The following NLGN4X variants were observed in gnomAD, a reference collection of about 807,000 sequenced individuals.
The protein encoded by NLGN4X is neuroligin-4, X-linked.
Under a neutral mutation model 40.3 loss-of-function variants are expected in NLGN4X, and 3 were observed. The ratio of observed to expected loss-of-function variants is 0.07; its 90% CI spans 0.03 to 0.19. NLGN4X has a LOEUF of 0.19. Among genes scored for constraint, NLGN4X ranks in the 10% least tolerant of loss-of-function variants. The probability of loss-of-function intolerance (pLI) is 1.00; values close to 1 mark genes in which losing one functional copy is unlikely to be tolerated. For synonymous variants in NLGN4X, 270 were observed against 306.8 expected, an observed-to-expected ratio of 0.88 and a Z score of 1.25; for missense variants, 382 against 708.3, an observed-to-expected ratio of 0.54 and a Z score of 5.23.
At chrX:5,995,284 A>ACAGGAAC (rs2035790086) in intron 3 of NLGN4X, among the ~76,000 whole-genome samples, 1 of 112,520 alleles carries the variant, frequency 8.9e-6, no homozygotes, top group Admixed American at 9.4e-5. Flanking sequence ...TGCGAAGAGC[A>ACAGGAAC]CAGGAACAGA....
intron 2 of NLGN4X, among the ~76,000 whole-genome samples, chrX:6,108,560 T>C (rs778979871): frequency 5.4e-5 from 6 of 110,779 alleles, no homozygotes; most frequent in South Asian, 3.9e-4. Flanking sequence ...GCATATGTAG[T>C]ACCAGCTACT....
intron 3 of NLGN4X, among the ~76,000 whole-genome samples, chrX:5,989,094 A>T (rs1038458618): frequency 7.0e-4 from 53 of 75,590 alleles, no homozygotes; most frequent in Non-Finnish European, 5.7e-4. Context: ...TAAAAAAAAT[A>T]AAAAAAAAAA....
intron 1 of NLGN4X, among the ~76,000 whole-genome samples, chrX:6,153,443 T>C (rs1395265975): frequency 2.7e-5 from 3 of 112,184 alleles, no homozygotes; most frequent in African/African-American, 6.5e-5. Context: ...ATGTCTGCCA[T>C]ACAGCAATCC....
At chrX:5,928,982 G>C (rs180814120) in intron 3 of NLGN4X, among the ~76,000 whole-genome samples, 1 of 109,799 alleles carries the variant, frequency 9.1e-6, no homozygotes, top group African/African-American at 3.3e-5. Context: ...ACCGTGCCCA[G>C]AGAAAGACTC....
At chrX:5,912,577 G>C (rs950806001) in intron 3 of NLGN4X, among the ~76,000 whole-genome samples, 2 of 110,448 alleles carry the variant, frequency 1.8e-5, no homozygotes, top group African/African-American at 3.3e-5. Context: ...TGTTTTGAGG[G>C]CCAAATCATG....
intron 1 of NLGN4X, among the ~76,000 whole-genome samples, chrX:6,172,947 G>C (rs1291038363): frequency 8.9e-6 from 1 of 112,403 alleles, no homozygotes; most frequent in Non-Finnish European, 1.9e-5. Flanking sequence ...GCTGATGGCT[G>C]TGAGTATGCA....
chrX:5,911,543 G>C (rs1423224647), intron 3 of NLGN4X, among the ~76,000 whole-genome samples: 1 of 112,269 alleles, frequency 8.9e-6, no homozygotes, highest in Non-Finnish European at 1.9e-5. Flanking sequence ...ATGGATCTCT[G>C]AAGTTTAACA....
intron 1 of NLGN4X, among the ~76,000 whole-genome samples, chrX:6,198,898 G>A (rs1371453216): frequency 9.0e-6 from 1 of 111,284 alleles, no homozygotes. Context: ...AAAATACAAA[G>A]GTATTTTTAA....
chrX:5,988,893 C>T (rs1041214273), intron 3 of NLGN4X, among the ~76,000 whole-genome samples: 2 of 110,018 alleles, frequency 1.8e-5, no homozygotes, highest in East Asian at 2.9e-4. Context: ...GGTGAAACTC[C>T]GTCCCTACTA....
At chrX:6,132,076 C>G (rs919312483) in intron 2 of NLGN4X, among the ~76,000 whole-genome samples, 2 of 111,717 alleles carry the variant, frequency 1.8e-5, no homozygotes, top group African/African-American at 6.5e-5. Context: ...GGAAGCAAAC[C>G]TGTCCCCTCC....
intron 2 of NLGN4X, among the ~76,000 whole-genome samples, chrX:6,080,335 T>C (rs1388461490): frequency 9.0e-6 from 1 of 111,616 alleles, no homozygotes; most frequent in African/African-American, 3.3e-5. Context: ...AGTCCTGACA[T>C]TCCGAATCCA....
intron 3 of NLGN4X, among the ~76,000 whole-genome samples, chrX:5,933,952 G>T (rs1057443234): frequency 9.0e-6 from 1 of 111,365 alleles, no homozygotes; most frequent in African/African-American, 3.3e-5. Context: ...GACCTAAAAT[G>T]CTGATATGGA....
chrX:6,065,069 G>A (rs1394761762), intron 2 of NLGN4X, among the ~76,000 whole-genome samples: 2 of 110,562 alleles, frequency 1.8e-5, no homozygotes, highest in Middle Eastern at 4.7e-3. Flanking sequence ...CATTGAGGAC[G>A]CACGGGCCCA....
chrX:6,170,862 T>A (rs1472984186), intron 1 of NLGN4X, among the ~76,000 whole-genome samples: 2 of 112,012 alleles, frequency 1.8e-5, no homozygotes, highest in East Asian at 5.6e-4. Flanking sequence ...CTTGCTCTGT[T>A]GCCCAGGCTG....
chrX:5,900,905 A>T lies in NLGN4X; in HGVS notation c.1601+2172T>A, dbSNP rs1172087234. Among the ~76,000 whole-genome samples the T allele has an allele frequency of 2.7e-5, 3 of 111,226 alleles. No homozygotes were observed. In the South Asian group the frequency reaches 1.2e-3, roughly 43 times the overall value. ...TAGCCATACAGTTTTGGATACTCTG[A>T]TAACAGCAGTCCCAACAAACTAATA... On this transcript the variant is annotated intron_variant, in intron 5 of 5. Transcript: ENST00000381095.
intron 1 of NLGN4X, among the ~76,000 whole-genome samples, chrX:6,171,622 T>C (rs2040608099): frequency 8.9e-6 from 1 of 112,715 alleles, no homozygotes; most frequent in Admixed American, 9.4e-5. Context: ...TGCCTGCCCA[T>C]GGACAGTTTG....
rs2037529384 is a variant in NLGN4X at position 6,052,930 on chromosome X, G to C, written c.473-23498C>G. Among the ~76,000 whole-genome samples, 5 of 112,027 alleles carry C rather than the reference G, an allele frequency of 4.5e-5. No individual in the cohort carries two copies. The South Asian group carries it at 1.9e-3, about 42-fold the overall frequency. The stretch of plus-strand genomic sequence containing the variant: ...CTGGTGTTTTGAAAACGTTTCTCTG[G>C]TGTGAAAAAGAATGTTTCCTCGCTT... On this transcript the variant is annotated intron_variant, in intron 2 of 5. Transcript: ENST00000381095.
intron 3 of NLGN4X, among the ~76,000 whole-genome samples, chrX:6,024,958 T>G (rs1194567717): frequency 8.9e-6 from 1 of 111,809 alleles, no homozygotes; most frequent in Non-Finnish European, 1.9e-5. Flanking sequence ...TACTTTCACT[T>G]TACGGATTTG....
chrX:6,170,841 C>T (rs775116254), intron 1 of NLGN4X, among the ~76,000 whole-genome samples: 2 of 111,245 alleles, frequency 1.8e-5, no homozygotes, highest in South Asian at 3.8e-4. Context: ...TTTGTTTTTT[C>T]GAGACAGGGT....
Sources: gnomAD v4.1 joint callset for allele counts (sites outside exome capture counted in the v4.1 genomes callset) on GRCh38, gnomAD v4.1.1 for gene constraint, MANE v1.5 for transcripts, NCBI Gene and HGNC (gene_info 2026-07-23, HGNC 2026-07-21) for gene names.